The following UNC13C variants were observed in gnomAD, a reference collection of about 807,000 sequenced individuals.
UNC13C encodes protein unc-13 homolog C.
Under a neutral mutation model 245.4 loss-of-function variants are expected in UNC13C, and 174 were observed. The observed-to-expected ratio is 0.71, with a 90% confidence interval of 0.63 to 0.80. The LOEUF (loss-of-function observed/expected upper bound fraction) is 0.80, where lower values mean the gene tolerates loss of function less well. Ranked by LOEUF, UNC13C falls within the 30% of genes least tolerant of loss-of-function variation. The pLI is 0.00. For synonymous variants in UNC13C, 992 were observed against 895.1 expected, an observed-to-expected ratio of 1.11 and a Z score of -1.93; for missense variants, 2,829 against 2,602.9, an observed-to-expected ratio of 1.09 and a Z score of -1.89.
intron 26 of UNC13C, among the ~76,000 whole-genome samples, chr15:54,539,329 G>C (rs944607604): frequency 6.6e-6 from 1 of 151,954 alleles, no homozygotes; most frequent in Admixed American, 6.6e-5. Context: ...TAGATAATAG[G>C]ATGTAGGTAG....
At chr15:54,465,324 A>G (rs932634466) in intron 19 of UNC13C, among the ~76,000 whole-genome samples, 5 of 152,086 alleles carry the variant, frequency 3.3e-5, no homozygotes, top group South Asian at 2.1e-4. Flanking sequence ...CATTTAGCCA[A>G]TCCTTTTGGC....
intron 24 of UNC13C, 116 bp downstream of exon 24, chr15:54,511,946 A>T: frequency 1.4e-6 from 1 of 708,260 alleles, no homozygotes. Flanking sequence ...AAGAACAGGA[A>T]ATGATAATAA....
At chr15:54,429,179 C>T (rs926144329) in intron 19 of UNC13C, among the ~76,000 whole-genome samples, 4 of 151,774 alleles carry the variant, frequency 2.6e-5, no homozygotes, top group Non-Finnish European at 4.4e-5. Context: ...CAGCCACTCT[C>T]TGTCTTTCCC....
At chr15:53,998,629 C>G (rs1894743291) in intron 1 of UNC13C, among the ~76,000 whole-genome samples, 2 of 152,086 alleles carry the variant, frequency 1.3e-5, no homozygotes, top group African/African-American at 2.4e-5. Flanking sequence ...ATTGACCTAT[C>G]TAAATCCTCC....
chr15:54,127,586 T>C (rs189610030), intron 2 of UNC13C, among the ~76,000 whole-genome samples: 3 of 151,584 alleles, frequency 2.0e-5, no homozygotes, highest in Non-Finnish European at 4.4e-5. Context: ...GGGATAGCAT[T>C]AAGAGAAATA....
intron 28 of UNC13C, among the ~76,000 whole-genome samples, chr15:54,553,318 A>G (rs1221284188): frequency 8.3e-6 from 1 of 120,364 alleles, no homozygotes; most frequent in Non-Finnish European, 1.6e-5. Flanking sequence ...AATATAGAAT[A>G]TTATATATAA....
At chr15:54,462,655 C>T (rs867109706) in intron 19 of UNC13C, among the ~76,000 whole-genome samples, 20 of 152,344 alleles carry the variant, frequency 1.3e-4, no homozygotes, top group Middle Eastern at 3.4e-3. Context: ...GCCCGCAATG[C>T]GCTTGAATTC....
At chr15:54,475,293 ATTATTATTAT>A (rs1023164104) in intron 19 of UNC13C, among the ~76,000 whole-genome samples, 32 of 41,538 alleles carry the variant, frequency 7.7e-4, no homozygotes, top group African/African-American at 2.3e-3. Context: ...TATTATTATT[ATTATTATTAT>A]TATTATTATT....
At chr15:54,084,720 A>G (rs1899141906) in intron 2 of UNC13C, among the ~76,000 whole-genome samples, 1 of 152,234 alleles carries the variant, frequency 6.6e-6, no homozygotes, top group Non-Finnish European at 1.5e-5. Context: ...TAAGGGATCC[A>G]CAAATATTAC....
intron 17 of UNC13C, among the ~76,000 whole-genome samples, chr15:54,362,956 T>A (rs978696070): frequency 1.3e-5 from 2 of 152,052 alleles, no homozygotes; most frequent in African/African-American, 4.8e-5. Flanking sequence ...GGATGGGGCA[T>A]GGTGATGGAC....
chr15:54,405,611 T>C (rs80102469), intron 18 of UNC13C, among the ~76,000 whole-genome samples: 54 of 152,278 alleles, frequency 3.5e-4, no homozygotes, highest in African/African-American at 1.3e-3. Context: ...AACACTATTA[T>C]GGAAATATTA....
intron 4 of UNC13C, among the ~76,000 whole-genome samples, chr15:54,179,665 G>A (rs2033732836): frequency 6.6e-6 from 1 of 151,934 alleles, no homozygotes; most frequent in Non-Finnish European, 1.5e-5. Flanking sequence ...ATGTGCAATT[G>A]GAGTGCCAAA....
At chr15:53,965,175 T>A in the UNC13C span, among the ~76,000 whole-genome samples, 1 of 152,184 alleles carries the variant, frequency 6.6e-6, no homozygotes, top group Non-Finnish European at 1.5e-5. Context: ...TTATGTAAAA[T>A]TTTTAATGTA....
At chr15:54,293,680 T>G (rs1365986040) in intron 10 of UNC13C, among the ~76,000 whole-genome samples, 1 of 152,064 alleles carries the variant, frequency 6.6e-6, no homozygotes, top group East Asian at 1.9e-4. Context: ...TAGGATGGAA[T>G]GGGATTTGAT....
chr15:53,880,406 G>A, the UNC13C span, among the ~76,000 whole-genome samples: 1 of 152,332 alleles, frequency 6.6e-6, no homozygotes, highest in African/African-American at 2.4e-5. Context: ...CTTTGCAATT[G>A]TTTTCTGAAG....
At chr15:54,541,401 G>T (rs1896237930) in intron 26 of UNC13C, among the ~76,000 whole-genome samples, 1 of 152,040 alleles carries the variant, frequency 6.6e-6, no homozygotes, top group Non-Finnish European at 1.5e-5. Context: ...AGTCAATGAG[G>T]CTGCCCTGAA....
chr15:53,849,825 G>A, the UNC13C span, among the ~76,000 whole-genome samples: 1 of 152,200 alleles, frequency 6.6e-6, no homozygotes, highest in South Asian at 2.1e-4. Context: ...GGCTCTGGGC[G>A]TGATGCAGGC....
At chr15:53,902,075 C>G in the UNC13C span, among the ~76,000 whole-genome samples, 5 of 148,662 alleles carry the variant, frequency 3.4e-5, no homozygotes, top group Non-Finnish European at 7.5e-5. Flanking sequence ...ATCATGTTCT[C>G]TCAGGCATAC....
At chr15:53,947,612 G>A in the UNC13C span, 1 of 152,126 alleles carries the variant, frequency 6.6e-6, no homozygotes, top group Admixed American at 6.5e-5. Flanking sequence ...CACATCTTTT[G>A]TTATGACTCT....
Sources: allele counts gnomAD v4.1 joint callset (sites outside exome capture counted in the v4.1 genomes callset), GRCh38; gene constraint gnomAD v4.1.1; transcripts MANE v1.5; gene names NCBI Gene and HGNC (gene_info 2026-07-23, HGNC 2026-07-21).